Variants in ETFDH observed in about 807,000 individuals in gnomAD.
ETFDH encodes electron transfer flavoprotein-ubiquinone oxidoreductase, mitochondrial.
In ETFDH, 61 loss-of-function variants were observed where a neutral mutation model predicts 73.2. That is an observed-to-expected ratio of 0.83 (90% CI 0.68 to 1.03). The LOEUF is 1.03. Among genes scored for constraint, ETFDH ranks in the 50% least tolerant of loss-of-function variants. The pLI is 0.00. For synonymous variants in ETFDH, 243 were observed against 253.3 expected, an observed-to-expected ratio of 0.96 and a Z score of 0.39; for missense variants, 685 against 745.0, an observed-to-expected ratio of 0.92 and a Z score of 0.94.
chr4:158,677,272 G>T (rs993251019), intron 1 of ETFDH, among the ~76,000 whole-genome samples: 10 of 152,326 alleles, frequency 6.6e-5, no homozygotes, highest in African/African-American at 2.4e-4. Context: ...GTTACAGCTT[G>T]ATTTTATACA....
intron 5 of ETFDH, among the ~76,000 whole-genome samples, chr4:158,686,777 C>G (rs899820397): frequency 6.6e-5 from 10 of 152,112 alleles, no homozygotes; most frequent in African/African-American, 2.2e-4. Flanking sequence ...CTGAGGCCTT[C>G]CAGTCTTTCT....
chr4:158,703,724 A>G (rs957932795), intron 10 of ETFDH, 133 bp downstream of exon 10: 2 of 652,744 alleles, frequency 3.1e-6, no homozygotes, highest in African/African-American at 3.6e-5. Context: ...AAAGAAAACT[A>G]CATGGCTTAT....
intron 1 of ETFDH, among the ~76,000 whole-genome samples, chr4:158,674,912 A>G (rs1773675773): frequency 3.9e-5 from 6 of 152,070 alleles, no homozygotes; most frequent in Admixed American, 3.9e-4. Context: ...TAGTCTAATG[A>G]TATTGTAACT....
At chr4:158,676,407 G>A (rs71607201) in intron 1 of ETFDH, among the ~76,000 whole-genome samples, 3,947 of 152,242 alleles carry the variant, frequency 0.026, 85 homozygotes, top group Non-Finnish European at 0.039. Context: ...TTATCCCCAG[G>A]AGCAATTTGG....
intron 6 of ETFDH, 113 bp downstream of exon 6, chr4:158,690,538 G>A: frequency 1.3e-6 from 1 of 773,080 alleles, no homozygotes; most frequent in South Asian, 1.4e-5. Context: ...AATTAGCTGG[G>A]CTTCGTGGTA....
chr4:158,697,750 A>G (rs770055055), intron 8 of ETFDH, 51 bp downstream of exon 8: 4 of 1,501,284 alleles, frequency 2.7e-6, no homozygotes, highest in Middle Eastern at 1.7e-4. Context: ...TTATATTACC[A>G]TCAGTGTTAT....
chr4:158,694,342 C>T (rs1449443612), intron 6 of ETFDH, among the ~76,000 whole-genome samples: 1 of 152,068 alleles, frequency 6.6e-6, no homozygotes, highest in African/African-American at 2.4e-5. Flanking sequence ...CTTGTAATCC[C>T]AGCACTTTGG....
Position 158,680,501 on chromosome 4 carries a change from A to T in ETFDH, c.69A>T (p.Lys23Asn). The T allele has an allele frequency of 6.2e-7, 1 of 1,605,910 alleles. No homozygotes were observed. Among genetic ancestry groups the T allele is most frequent in the Non-Finnish European group, 8.5e-7 (1 of 1,172,636 alleles). Residue 23 changes from lysine (K) to asparagine (N), a missense_variant, in exon 2 of 13, where the codon AAA becomes AAT. This residue lies in a region of ETFDH where 405 missense variants were observed against 399.3 expected (regional missense o/e 1.01). Coordinates refer to ENST00000511912, the MANE Select transcript of ETFDH (RefSeq NM_004453.4). ...YQCFHALKIK[K>N]NYLPLCATRW... is the part of the protein sequence containing the mutation. ...GCTTTCATGCCTTAAAAATTAAGAA[A>T]AATTATCTACCTCTATGTGCTACAA... is the stretch of plus-strand genomic sequence containing the variant.
At chr4:158,701,504 G>C (rs1774461326) in intron 9 of ETFDH, among the ~76,000 whole-genome samples, 1 of 152,178 alleles carries the variant, frequency 6.6e-6, no homozygotes. Flanking sequence ...CCTGGGCCCT[G>C]ATCCTTCTCT....
At chr4:158,673,228 C>T (rs1030307770) in intron 1 of ETFDH, among the ~76,000 whole-genome samples, 3 of 152,120 alleles carry the variant, frequency 2.0e-5, no homozygotes, top group Admixed American at 6.5e-5. Context: ...CACTTGAACC[C>T]GGAGGTGGAG....
rs1240083485 is a variant in ETFDH, at chr4:158,685,222, T to G, written c.606+3T>G. On this transcript the variant is annotated splice_donor_region_variant and intron_variant, in intron 5 of 12. Transcript: ENST00000511912. ...ACCCTGGTTATGCAGCTGCTGAGGT[T>G]TGTATAGTTTTGTTTTGTTTTAATA... The G allele has an allele frequency of 1.3e-6, 2 of 1,505,690 alleles. No individual in the cohort carries two copies. Among genetic ancestry groups the G allele is most frequent in the African/African-American group, 2.7e-5 (2 of 72,838 alleles). The allele number at this position is 1,505,690 out of a possible 1,614,324, so 93.3% of individuals were successfully genotyped here.
chr4:158,684,481 A>AT (rs1411611300), intron 3 of ETFDH, 111 bp from the exon 4 acceptor site: 8 of 626,552 alleles, frequency 1.3e-5, no homozygotes, highest in Admixed American at 2.7e-5. Flanking sequence ...AAAGAAAATT[A>AT]GGGGGGAGTT....
rs1157996097 is a variant in ETFDH at position 158,708,164 on chromosome 4, G to A, written c.1691-200G>A. ...TAGTGAGACAACTCAGCTGAATACC[G>A]CTGTACCTCCTTTTATTATGTACAT... is the stretch of plus-strand genomic sequence containing the variant. On this transcript the variant is annotated intron_variant, in intron 12 of 12. Coordinates refer to ENST00000511912, the MANE Select transcript of ETFDH (RefSeq NM_004453.4). 5.3e-5 allele frequency among the ~76,000 whole-genome samples: 8 copies of A among 152,214 alleles called. No individual in the cohort carries two copies. The East Asian group carries it at 1.4e-3, about 26-fold the overall frequency.
chr4:158,685,173 C>T lies in ETFDH; in HGVS notation c.560C>T (p.Ala187Val), dbSNP rs369912835. The change falls in exon 5 of 13, where the codon GCA becomes GTA. Residue 187 changes from alanine (A) to valine (V), a missense_variant. Physicochemically the swap from Ala to Val is moderately conservative, Grantham distance 64. Coordinates refer to ENST00000511912, the MANE Select transcript of ETFDH (RefSeq NM_004453.4). Reference protein sequence around the residue: ...GHLVSWMGEQAEALGVEVYPG... With the variant: ...GHLVSWMGEQVEALGVEVYPG... ...TTAGTGAGCTGGATGGGCGAACAAG[C>T]AGAAGCCCTTGGTGTTGAAGTATAC... The T allele has an allele frequency of 1.9e-6, 3 of 1,612,362 alleles. No individual in the cohort carries two copies. The highest frequency in any genetic ancestry group is 2.5e-6 in the Non-Finnish European group (3 of 1,178,708).
At chr4:158,697,961 GAA>G (rs1774356421) in intron 8 of ETFDH, among the ~76,000 whole-genome samples, 1 of 152,152 alleles carries the variant, frequency 6.6e-6, no homozygotes, top group African/African-American at 2.4e-5. Context: ...TAATAACTGT[GAA>G]ATAGGTATAT....
chr4:158,684,828 A>G, intron 4 of ETFDH, 155 bp downstream of exon 4: 1 of 649,638 alleles, frequency 1.5e-6, no homozygotes, highest in South Asian at 1.9e-5. Context: ...GTGGGAAAGC[A>G]GGACTAGAAC....
chr4:158,683,529 C>CATA (rs1206821871), intron 3 of ETFDH, among the ~76,000 whole-genome samples: 5 of 152,148 alleles, frequency 3.3e-5, no homozygotes, highest in Non-Finnish European at 7.3e-5. Context: ...TTAACACTGA[C>CATA]ATAATATCAA....
chr4:158,687,278 A>G (rs1774029600), intron 5 of ETFDH, among the ~76,000 whole-genome samples: 1 of 152,162 alleles, frequency 6.6e-6, no homozygotes, highest in Non-Finnish European at 1.5e-5. Flanking sequence ...TCAGAGAACA[A>G]CTTCATCCTG....
intron 8 of ETFDH, 45 bp downstream of exon 8, chr4:158,697,744 A>G (rs199569464): frequency 6.5e-7 from 1 of 1,533,696 alleles, no homozygotes; most frequent in African/African-American, 1.4e-5. Flanking sequence ...CTAGAGTTAT[A>G]TTACCATCAG....
Sources: allele counts gnomAD v4.1 joint callset (sites outside exome capture counted in the v4.1 genomes callset), GRCh38; gene constraint gnomAD v4.1.1; regional missense constraint gnomAD v4.1.1; transcripts MANE v1.5; gene names NCBI Gene and HGNC (gene_info 2026-07-23, HGNC 2026-07-21).